F5: variants seen among roughly 807,000 people sequenced by gnomAD.
The protein encoded by F5 is activated protein c cofactor.
Under a neutral mutation model 216.4 loss-of-function variants are expected in F5, and 138 were observed. That is an observed-to-expected ratio of 0.64 (90% CI 0.56 to 0.73). The LOEUF (loss-of-function observed/expected upper bound fraction) is 0.73. F5 is among the 30% of genes least tolerant of loss of function. The pLI is 0.00. For missense variants in F5, 2,403 were observed against 2,674.0 expected (o/e 0.90, Z 2.24); for synonymous variants, 916 against 930.7 (o/e 0.98, Z 0.29).
chr1:169,542,260 C>T lies in F5; in HGVS notation c.2830G>A (p.Val944Ile), dbSNP rs989248371. The stretch of plus-strand genomic sequence containing the variant: ...TCAGAAGCCAAATGCCATCTCCCAA[C>T]CAAAATCTTAGATGAGTTACTTTGT... ...LKQSNSSKIL[V>I]GRWHLASEKG... is the part of the protein sequence containing the mutation. Residue 944 changes from valine (V) to isoleucine (I), a missense_variant, in exon 13 of 25, where the codon GTT (valine) becomes ATT (isoleucine). Val to Ile is a conservative substitution (Grantham distance 29). Transcript: ENST00000367797. 1 of 1,614,054 alleles carries T rather than the reference C, an allele frequency of 6.2e-7. No homozygotes were observed. The highest frequency in any genetic ancestry group is 8.5e-7 in the Non-Finnish European group (1 of 1,179,994).
Position 169,514,235 on chromosome 1 carries a change from C to T in F5, c.*78G>A, listed in dbSNP as rs1316326011. On this transcript the variant is annotated 3_prime_UTR_variant, in exon 25 of 25. Coordinates refer to ENST00000367797, the MANE Select transcript of F5 (RefSeq NM_000130.5). ...AGTGGAAAACTGTTAACATTTAACA[C>T]AGCGTAAAATACATTGCCCATTCTA... 6 of 1,400,198 alleles carry T rather than the reference C, an allele frequency of 4.3e-6. No individual in the cohort carries two copies. The East Asian group carries it at 1.4e-4, about 32-fold the overall frequency. The allele number at this position is 1,400,198 out of a possible 1,614,324, so 86.7% of individuals were successfully genotyped here.
At chr1:169,561,288 T>C (rs78453543) in intron 3 of F5, among the ~76,000 whole-genome samples, 36 of 129,718 alleles carry the variant, frequency 2.8e-4, no homozygotes, top group African/African-American at 4.1e-4. Context: ...CTCAATTTTT[T>C]CCCCCGAGCC....
chr1:169,545,966 T>C (rs3766111), intron 11 of F5, among the ~76,000 whole-genome samples: 35,434 of 152,136 alleles, frequency 0.23, 4,216 homozygotes, highest in Admixed American at 0.33. Context: ...TCACTTGAAA[T>C]GTCTTCATGC....
intron 11 of F5, among the ~76,000 whole-genome samples, chr1:169,546,180 TACACAC>T (rs3835453): frequency 5.7e-4 from 80 of 141,164 alleles, no homozygotes; most frequent in African/African-American, 1.5e-3. Flanking sequence ...TATGTCTGTG[TACACAC>T]ACACACACAC....
chr1:169,518,843 A>G (rs1287328066), intron 22 of F5, among the ~76,000 whole-genome samples: 2 of 152,164 alleles, frequency 1.3e-5, no homozygotes, highest in African/African-American at 4.8e-5. Context: ...AGTTCAGACA[A>G]TCTGATACCA....
chr1:169,581,899 A>G (rs1660994819), intron 2 of F5, among the ~76,000 whole-genome samples: 1 of 152,198 alleles, frequency 6.6e-6, no homozygotes, highest in Non-Finnish European at 1.5e-5. Flanking sequence ...CTTTGAATGA[A>G]TCTAGGGAGC....
Position 169,540,737 on chromosome 1 carries a change from G to A in F5, c.4353C>T (p.Leu1451=), listed in dbSNP as rs759760965. 6.2e-7 allele frequency: 1 copy of A among 1,614,072 alleles called. No homozygotes were observed. The highest frequency in any genetic ancestry group is 8.5e-7 in the Non-Finnish European group (1 of 1,179,984). Residue 1451 remains leucine (L), a synonymous_variant, in exon 13 of 25, where the codon CTC becomes CTT. Coordinates refer to ENST00000367797, the MANE Select transcript of F5 (RefSeq NM_000130.5). ...DISDTTLLPD[L]SQISPPPDLD... is the part of the protein sequence containing the mutation. ...GGTCTGGAGGAGGTGATATCTGGCTGAGATCCGGGAGAAGGGTGGTGTCAC... is the reference window on the plus strand; with the variant it reads ...GGTCTGGAGGAGGTGATATCTGGCTAAGATCCGGGAGAAGGGTGGTGTCAC...
chr1:169,574,805 T>A (rs6662176), intron 2 of F5, among the ~76,000 whole-genome samples: 37,285 of 152,096 alleles, frequency 0.25, 5,378 homozygotes, highest in South Asian at 0.36. Flanking sequence ...AAGCCACTTC[T>A]TTATACTACA....
At chr1:169,576,112 A>G (rs1660842688) in intron 2 of F5, among the ~76,000 whole-genome samples, 1 of 152,208 alleles carries the variant, frequency 6.6e-6, no homozygotes. Context: ...CAGAGCCTCC[A>G]GAAGGAATGC....
chr1:169,554,258 A>G (rs1211993530), intron 7 of F5, among the ~76,000 whole-genome samples: 1 of 110,466 alleles, frequency 9.1e-6, no homozygotes, highest in Non-Finnish European at 2.1e-5. Flanking sequence ...GAAAATATAA[A>G]TATTCTTATC....
At chr1:169,548,386 A>G (rs565455138) in intron 10 of F5, among the ~76,000 whole-genome samples, 8 of 152,102 alleles carry the variant, frequency 5.3e-5, no homozygotes, top group Non-Finnish European at 1.2e-4. Context: ...TGCTGTATTC[A>G]GTCATTAACA....
chr1:169,559,005 T>TAAA lies in F5; in HGVS notation c.730+145_730+147dup, dbSNP rs58738850. 0.1 allele frequency: 72,056 copies of TAAA among 706,086 alleles called. 3,060 individuals are homozygous for TAAA. The highest frequency in any genetic ancestry group is 0.47 in the East Asian group (15,501 of 33,182). The allele number at this position is 706,086 out of a possible 1,614,324, so 43.7% of individuals were successfully genotyped here. On this transcript the variant is annotated intron_variant, in intron 5 of 24. Transcript: ENST00000367797. ...TAATTTGTCTCTTCTATTTCCTGTT[T>TAAA]AAAAAAAAAAAGAGAAAATATTTCC...
chr1:169,516,688 A>C (rs1659162064), intron 23 of F5, among the ~76,000 whole-genome samples: 3 of 152,220 alleles, frequency 2.0e-5, no homozygotes, highest in Non-Finnish European at 4.4e-5. Context: ...CAGGCATAAA[A>C]GAGGTAGAGA....
rs138021584 is a variant in F5 at position 169,515,483 on chromosome 1, T to C, written c.6489A>G (p.Glu2163=). Reference sequence around the variant, plus strand: ...AGGATTTCAGCCTGTATGGTTTCCATTCCACTCCCTGCTCACTGTAGTGGA... The same window carrying C: ...AGGATTTCAGCCTGTATGGTTTCCACTCCACTCCCTGCTCACTGTAGTGGA... ...YTIHYSEQGV[E]WKPYRLKSSM... is the part of the protein sequence containing the mutation. The change falls in exon 24 of 25, where the codon GAA becomes GAG. Residue 2163 remains glutamate, a synonymous_variant. Transcript: ENST00000367797. The C allele has an allele frequency of 8.1e-5, 130 of 1,613,568 alleles. 1 individual carries two copies. The African/African-American group carries it at 1.6e-3, about 20-fold the overall frequency.
At position 169,541,007 on chromosome 1, in the gene F5, G is replaced by T. The variant is rs780613017; in HGVS notation, c.4083C>A (p.Pro1361=). Residue 1361 remains proline, a synonymous_variant, in exon 13 of 25, where the codon CCC becomes CCA. Transcript: ENST00000367797. ...ALGQMPLSPD[P]SHTTLSLDLS... is the part of the protein sequence containing the mutation. Reference sequence around the variant, plus strand: ...GGTCTAGAGAAAGGGTTGTATGGCTGGGGTCTGGAGAAAGGGGCATCTGAC... The same window carrying T: ...GGTCTAGAGAAAGGGTTGTATGGCTTGGGTCTGGAGAAAGGGGCATCTGAC... The T allele has an allele frequency of 1.9e-5, 31 of 1,591,306 alleles. No homozygotes were observed. The highest frequency in any genetic ancestry group is 2.6e-5 in the Non-Finnish European group (30 of 1,163,166).
intron 21 of F5, among the ~76,000 whole-genome samples, chr1:169,521,671 A>G (rs1659312708): frequency 7.8e-6 from 1 of 128,820 alleles, no homozygotes; most frequent in Non-Finnish European, 1.5e-5. Context: ...ACCAGGCTGG[A>G]GTGCAGTGGC....
chr1:169,546,867 C>T (rs1005987750), intron 10 of F5, among the ~76,000 whole-genome samples: 2 of 151,512 alleles, frequency 1.3e-5, no homozygotes, highest in African/African-American at 2.4e-5. Flanking sequence ...CGGTGGCTCA[C>T]GCCTGTAATA....
chr1:169,533,547 A>C (rs188471956), intron 14 of F5, among the ~76,000 whole-genome samples: 7 of 152,358 alleles, frequency 4.6e-5, no homozygotes, highest in African/African-American at 1.7e-4. Context: ...ACAATTGAAC[A>C]AGCGAAATAC....
At chr1:169,566,136 G>A (rs142370763) in intron 3 of F5, among the ~76,000 whole-genome samples, 1 of 152,174 alleles carries the variant, frequency 6.6e-6, no homozygotes, top group Non-Finnish European at 1.5e-5. Flanking sequence ...AATTAGCATG[G>A]CTAGTTGATG....
Sources: gnomAD v4.1 joint callset for allele counts (sites outside exome capture counted in the v4.1 genomes callset) on GRCh38, gnomAD v4.1.1 for gene constraint, MANE v1.5 for transcripts, NCBI Gene and HGNC (gene_info 2026-07-23, HGNC 2026-07-21) for gene names.